SEMA3E: variants seen among roughly 807,000 people sequenced by gnomAD.
The protein encoded by SEMA3E is semaphorin-3E.
In SEMA3E, 49 loss-of-function variants were observed where a neutral mutation model predicts 93.6. The ratio of observed to expected loss-of-function variants is 0.52; its 90% CI spans 0.42 to 0.66. SEMA3E has a LOEUF of 0.66. SEMA3E is among the 30% of genes least tolerant of loss of function. The probability of loss-of-function intolerance (pLI) is 0.00; values close to 1 mark genes in which losing one functional copy is unlikely to be tolerated. For missense variants in SEMA3E, 906 were observed against 964.8 expected (o/e 0.94, Z 0.81); for synonymous variants, 363 against 330.7 (o/e 1.10, Z -1.06).
chr7:83,519,091 A>T (rs887963105), intron 1 of SEMA3E, among the ~76,000 whole-genome samples: 1 of 151,966 alleles, frequency 6.6e-6, no homozygotes, highest in African/African-American at 2.4e-5. Context: ...ATTTAGCATT[A>T]GGTATATCTC....
In SEMA3E at chr7:83,407,084, G is replaced by T. The variant is rs1338093288; in HGVS notation, c.813+13C>A. The T allele has an allele frequency of 6.2e-7, 1 of 1,613,160 alleles. No homozygotes were observed. ...TGTGAGATAAGCAAGCATAATGAGA[G>T]AGAAAGCCTCACCACACAGAGTCGC... On this transcript the variant is annotated intron_variant, in intron 7 of 16. Transcript: ENST00000643230.
At chr7:83,636,712 A>G (rs572111497) in intron 1 of SEMA3E, among the ~76,000 whole-genome samples, 118 of 152,230 alleles carry the variant, frequency 7.8e-4, no homozygotes, top group African/African-American at 2.8e-3. Flanking sequence ...TGGTAGAGTC[A>G]TGTTCCCAGT....
At chr7:83,448,011 T>G (rs191652342) in intron 4 of SEMA3E, among the ~76,000 whole-genome samples, 9 of 152,296 alleles carry the variant, frequency 5.9e-5, no homozygotes, top group Admixed American at 2.0e-4. Context: ...TCTATAACAA[T>G]GTGGAATTTT....
chr7:83,437,026 G>A (rs552090808), intron 4 of SEMA3E, among the ~76,000 whole-genome samples: 7 of 152,052 alleles, frequency 4.6e-5, no homozygotes, highest in Non-Finnish European at 7.4e-5. Context: ...TATAATAACC[G>A]TCAGATCTCG....
Position 83,392,563 on chromosome 7 carries a change from A to C in SEMA3E, c.1659T>G (p.His553Gln), listed in dbSNP as rs1347393901. ...CAGGTAGCACGTCTCACCTTTTTGC[A>C]TGTGTGCCTGTTGGGTAATACCGGG... ...SCSRYYPTGT[H>Q]AKRRFRRQDV... Residue 553 changes from histidine to glutamine, a missense_variant, in exon 14 of 17, where the codon CAT becomes CAG. His to Gln is a conservative substitution (Grantham distance 24). Coordinates refer to ENST00000643230, the MANE Select transcript of SEMA3E (RefSeq NM_012431.3). 1 of 1,613,022 alleles carries C rather than the reference A, an allele frequency of 6.2e-7. No homozygotes were observed. Among genetic ancestry groups the C allele is most frequent in the Non-Finnish European group, 8.5e-7 (1 of 1,179,608 alleles).
At chr7:83,566,980 T>C (rs1026556338) in intron 1 of SEMA3E, among the ~76,000 whole-genome samples, 4 of 152,184 alleles carry the variant, frequency 2.6e-5, no homozygotes, top group African/African-American at 9.6e-5. Context: ...AATATATAAA[T>C]TGTATGAGTG....
At chr7:83,637,806 T>C (rs895979872) in intron 1 of SEMA3E, among the ~76,000 whole-genome samples, 1 of 147,268 alleles carries the variant, frequency 6.8e-6, no homozygotes, top group African/African-American at 2.5e-5. Context: ...TTTTTTTTTT[T>C]CATTCAAAAT....
At chr7:83,567,538 T>C (rs1261487596) in intron 1 of SEMA3E, among the ~76,000 whole-genome samples, 1 of 152,104 alleles carries the variant, frequency 6.6e-6, no homozygotes, top group African/African-American at 2.4e-5. Flanking sequence ...TTTCTTAAAA[T>C]TGGAATCATA....
chr7:83,417,136 T>A (rs1387437967), intron 5 of SEMA3E, among the ~76,000 whole-genome samples: 1 of 151,974 alleles, frequency 6.6e-6, no homozygotes, highest in East Asian at 1.9e-4. Context: ...CTGAAGAACT[T>A]AATTACTATA....
At chr7:83,520,731 A>T (rs1020442277) in intron 1 of SEMA3E, among the ~76,000 whole-genome samples, 3 of 152,214 alleles carry the variant, frequency 2.0e-5, no homozygotes, top group Non-Finnish European at 2.9e-5. Flanking sequence ...ATAGGATAGA[A>T]GTTATTTTGA....
chr7:83,395,718 G>T (rs142555031), intron 12 of SEMA3E, among the ~76,000 whole-genome samples: 1 of 152,040 alleles, frequency 6.6e-6, no homozygotes, highest in Non-Finnish European at 1.5e-5. Flanking sequence ...GCGCTGAAGT[G>T]CTGTTTAATG....
At chr7:83,429,983 T>A (rs992368099) in intron 4 of SEMA3E, among the ~76,000 whole-genome samples, 1 of 152,208 alleles carries the variant, frequency 6.6e-6, no homozygotes, top group South Asian at 2.1e-4. Flanking sequence ...TCTTGTAGCA[T>A]TATTTACATT....
chr7:83,588,545 A>T (rs2115936360), intron 1 of SEMA3E, among the ~76,000 whole-genome samples: 1 of 152,310 alleles, frequency 6.6e-6, no homozygotes, highest in African/African-American at 2.4e-5. Flanking sequence ...CCAGTGTATA[A>T]TTAGAATATT....
intron 1 of SEMA3E, among the ~76,000 whole-genome samples, chr7:83,637,025 T>A (rs1162048795): frequency 7.4e-5 from 11 of 149,022 alleles, no homozygotes; most frequent in Non-Finnish European, 6.0e-5. Context: ...TGTGTGAGAG[T>A]GTGTGTGTGT....
chr7:83,457,341 T>A (rs1373381796), intron 4 of SEMA3E, among the ~76,000 whole-genome samples: 2 of 152,292 alleles, frequency 1.3e-5, no homozygotes, highest in Admixed American at 1.3e-4. Context: ...TTCTTTCAAA[T>A]AACCATAAGT....
chr7:83,375,631 C>T lies in SEMA3E; in HGVS notation c.1876-7593G>A, dbSNP rs114036351. The stretch of plus-strand genomic sequence containing the variant: ...AGGAATTGGTATTTTGGAGTATCTA[C>T]TGTACATGTGTGCATTGGGCTTTCT... On this transcript the variant is annotated intron_variant, in intron 16 of 16. Transcript: ENST00000643230. 6.5e-4 allele frequency among the ~76,000 whole-genome samples: 99 copies of T among 152,136 alleles called. 4 individuals carry two copies. The South Asian group carries it at 0.021, about 32-fold the overall frequency.
intron 1 of SEMA3E, among the ~76,000 whole-genome samples, chr7:83,644,180 A>G (rs1485960713): frequency 7.1e-6 from 1 of 141,666 alleles, no homozygotes; most frequent in African/African-American, 2.7e-5. Flanking sequence ...TAACAAATCG[A>G]TATGTGTACA....
At chr7:83,537,962 A>G (rs1791439268) in intron 1 of SEMA3E, among the ~76,000 whole-genome samples, 1 of 152,060 alleles carries the variant, frequency 6.6e-6, no homozygotes, top group Non-Finnish European at 1.5e-5. Flanking sequence ...TTTCTTCTCA[A>G]TAGAATCATA....
At chr7:83,526,506 T>C (rs1401328171) in intron 1 of SEMA3E, among the ~76,000 whole-genome samples, 1 of 152,138 alleles carries the variant, frequency 6.6e-6, no homozygotes. Context: ...AAGTTTTGAA[T>C]CCAACCTCTG....
Sources: gnomAD v4.1 joint callset for allele counts (sites outside exome capture counted in the v4.1 genomes callset) on GRCh38, gnomAD v4.1.1 for gene constraint, MANE v1.5 for transcripts, NCBI Gene and HGNC (gene_info 2026-07-23, HGNC 2026-07-21) for gene names.